The following TASP1 variants were observed in gnomAD, a reference collection of about 807,000 sequenced individuals.
TASP1 encodes the protein threonine aspartase 1.
TASP1 carries 16 observed loss-of-function variants against 56.6 expected under a neutral mutation model. That is an observed-to-expected ratio of 0.28 (90% CI 0.19 to 0.43). The LOEUF is 0.43. Among genes scored for constraint, TASP1 ranks in the 20% least tolerant of loss-of-function variants. The probability of loss-of-function intolerance (pLI) is 1.00; values close to 1 mark genes in which losing one functional copy is unlikely to be tolerated. For missense variants in TASP1, 393 were observed against 511.6 expected, an observed-to-expected ratio of 0.77 and a Z score of 2.24; for synonymous variants, 179 against 184.2, an observed-to-expected ratio of 0.97 and a Z score of 0.23.
At chr20:13,457,382 C>A (rs1442690739) in intron 11 of TASP1, among the ~76,000 whole-genome samples, 1 of 151,944 alleles carries the variant, frequency 6.6e-6, no homozygotes, top group African/African-American at 2.4e-5. Flanking sequence ...GATAGGATGG[C>A]TTTAGGGAAG....
intron 6 of TASP1, among the ~76,000 whole-genome samples, chr20:13,575,636 T>C (rs1264800291): frequency 3.9e-5 from 6 of 152,052 alleles, no homozygotes; most frequent in Non-Finnish European, 8.8e-5. Context: ...CATAGCAGTA[T>C]AAAAATGAGG....
chr20:13,427,161 A>G lies in TASP1; in HGVS notation c.1096+7883T>C, dbSNP rs12479480. On this transcript the variant is annotated intron_variant, in intron 12 of 13. Coordinates refer to ENST00000337743, the MANE Select transcript of TASP1 (RefSeq NM_017714.3). ...AAGCTCCTTTGAAGTACATGTGTTTATATGTGCTCGCCAAATTTTTAATAC... is the reference window on the plus strand; with the variant it reads ...AAGCTCCTTTGAAGTACATGTGTTTGTATGTGCTCGCCAAATTTTTAATAC... 3.2e-3 allele frequency among the ~76,000 whole-genome samples: 482 copies of G among 152,320 alleles called. 1 individual carries two copies. The highest frequency in any genetic ancestry group is 0.01 in the East Asian group (53 of 5,188).
chr20:13,575,931 G>T (rs985323298), intron 6 of TASP1, among the ~76,000 whole-genome samples: 2 of 152,060 alleles, frequency 1.3e-5, no homozygotes, highest in Non-Finnish European at 2.9e-5. Flanking sequence ...AAAAATCTTA[G>T]CTGGGCACGG....
chr20:13,528,592 A>C, intron 9 of TASP1, 81 bp from the exon 10 acceptor site: 1 of 1,233,582 alleles, frequency 8.1e-7, no homozygotes, highest in Non-Finnish European at 1.1e-6. Context: ...CATACCCTCT[A>C]ATAAAGCCTG....
the TASP1 span, among the ~76,000 whole-genome samples, chr20:13,281,047 A>G: frequency 6.6e-6 from 1 of 152,252 alleles, no homozygotes; most frequent in African/African-American, 2.4e-5. Context: ...TTAGACAGTC[A>G]TTTCTTCTCA....
rs370446844 is a variant in TASP1, at chr20:13,597,773, T to C, written c.283-10403A>G. Among the ~76,000 whole-genome samples, 3 of 152,094 alleles carry C rather than the reference T, an allele frequency of 2.0e-5. 1 individual carries two copies. The South Asian group carries it at 6.2e-4, about 32-fold the overall frequency. ...GTTTGCAGATGACATGATTGTATATTTAGAAAACCCCATCATCTCAGCCCA... is the reference window on the plus strand; with the variant it reads ...GTTTGCAGATGACATGATTGTATATCTAGAAAACCCCATCATCTCAGCCCA... On this transcript the variant is annotated intron_variant, in intron 4 of 13. Coordinates refer to ENST00000337743, the MANE Select transcript of TASP1 (RefSeq NM_017714.3).
Position 13,596,157 on chromosome 20 carries a change from G to A in TASP1, c.283-8787C>T, listed in dbSNP as rs1417563047. On this transcript the variant is annotated intron_variant, in intron 4 of 13. Coordinates refer to ENST00000337743, the MANE Select transcript of TASP1 (RefSeq NM_017714.3). Reference sequence around the variant, plus strand: ...GGAGGCCGAGGAGGGCAGATCACCTGAGGTCGGGAGTTCGAGACCAGCCTG... The same window carrying A: ...GGAGGCCGAGGAGGGCAGATCACCTAAGGTCGGGAGTTCGAGACCAGCCTG... 2.0e-5 allele frequency among the ~76,000 whole-genome samples: 3 copies of A among 152,118 alleles called. No homozygotes were observed. The East Asian group carries it at 5.8e-4, about 29-fold the overall frequency.
intron 1 of TASP1, among the ~76,000 whole-genome samples, chr20:13,635,690 C>A (rs1021845267): frequency 2.0e-5 from 3 of 152,002 alleles, no homozygotes; most frequent in Non-Finnish European, 4.4e-5. Flanking sequence ...TCCCGGCCAA[C>A]CTTCAGCAAC....
At chr20:13,118,489 A>G in the TASP1 span, among the ~76,000 whole-genome samples, 1 of 151,644 alleles carries the variant, frequency 6.6e-6, no homozygotes, top group Non-Finnish European at 1.5e-5. Context: ...TTTGAGAGAA[A>G]TTTAAAAGGA....
the TASP1 span, among the ~76,000 whole-genome samples, chr20:13,219,858 T>C: frequency 6.6e-6 from 1 of 152,194 alleles, no homozygotes; most frequent in South Asian, 2.1e-4. Flanking sequence ...ATTTGGTTAA[T>C]ACTTGGTTGA....
At chr20:13,331,337 G>A in the TASP1 span, among the ~76,000 whole-genome samples, 3 of 152,154 alleles carry the variant, frequency 2.0e-5, no homozygotes, top group Non-Finnish European at 1.5e-5. Context: ...AACTATAGAC[G>A]GTGTCCTCCA....
intron 10 of TASP1, among the ~76,000 whole-genome samples, chr20:13,492,295 A>G (rs1159664173): frequency 6.6e-6 from 1 of 152,236 alleles, no homozygotes; most frequent in Non-Finnish European, 1.5e-5. Context: ...CCACAGGGAT[A>G]GATAACTAAT....
chr20:13,169,918 T>A, the TASP1 span, among the ~76,000 whole-genome samples: 2 of 152,156 alleles, frequency 1.3e-5, no homozygotes, highest in Admixed American at 1.3e-4. Flanking sequence ...GTGTCTTAAT[T>A]TATTCTTCTT....
intron 10 of TASP1, among the ~76,000 whole-genome samples, chr20:13,493,995 G>A (rs749934346): frequency 6.6e-6 from 1 of 152,180 alleles, no homozygotes; most frequent in Non-Finnish European, 1.5e-5. Context: ...CTTATCTATG[G>A]TGGTGCTGCT....
At chr20:13,254,051 T>A in the TASP1 span, among the ~76,000 whole-genome samples, 1 of 117,144 alleles carries the variant, frequency 8.5e-6, no homozygotes. Flanking sequence ...AACCCCATCA[T>A]CTCTACTAAA....
the TASP1 span, among the ~76,000 whole-genome samples, chr20:13,304,641 A>G: frequency 6.6e-6 from 1 of 152,192 alleles, no homozygotes; most frequent in African/African-American, 2.4e-5. Context: ...GGGAGTCAAC[A>G]GACTGAGTGC....
At chr20:13,134,511 A>T in the TASP1 span, among the ~76,000 whole-genome samples, 1 of 152,192 alleles carries the variant, frequency 6.6e-6, no homozygotes, top group Non-Finnish European at 1.5e-5. Context: ...TTACAAGGTC[A>T]TCATACAGCA....
At chr20:13,223,156 C>CAAA in the TASP1 span, among the ~76,000 whole-genome samples, 4 of 120,128 alleles carry the variant, frequency 3.3e-5, no homozygotes, top group African/African-American at 1.3e-4. Flanking sequence ...GACTCCGTCT[C>CAAA]AAAAAAAAAA....
chr20:13,565,557 G>T (rs1239780916), intron 7 of TASP1, among the ~76,000 whole-genome samples: 3 of 151,964 alleles, frequency 2.0e-5, no homozygotes, highest in Non-Finnish European at 4.4e-5. Context: ...CTCTAAGAAA[G>T]ATATAAAAAT....
Sources: gnomAD v4.1 joint callset for allele counts (sites outside exome capture counted in the v4.1 genomes callset) on GRCh38, gnomAD v4.1.1 for gene constraint, MANE v1.5 for transcripts, NCBI Gene and HGNC (gene_info 2026-07-23, HGNC 2026-07-21) for gene names.